The following BAZ1B variants were observed in gnomAD, a reference collection of about 807,000 sequenced individuals.
The protein encoded by BAZ1B is tyrosine-protein kinase BAZ1B.
A neutral mutation model predicts 153.8 loss-of-function variants in BAZ1B; 22 were observed. The ratio of observed to expected loss-of-function variants is 0.14; its 90% confidence interval spans 0.10 to 0.20. The LOEUF is 0.20. Among genes scored for constraint, BAZ1B ranks in the 10% least tolerant of loss-of-function variants. BAZ1B has a pLI of 1.00. For synonymous variants in BAZ1B, 676 were observed against 633.4 expected (o/e 1.07, Z -1.01); for missense variants, 1,325 against 1,799.3 (o/e 0.74, Z 4.77).
chr7:73,518,080 T>C lies in BAZ1B; in HGVS notation c.107+3747A>G, dbSNP rs989619406. Among the ~76,000 whole-genome samples the C allele has an allele frequency of 2.0e-5, 3 of 152,144 alleles. No homozygotes were observed. In the South Asian group the frequency reaches 6.2e-4, roughly 32 times the overall value. On this transcript the variant is annotated intron_variant, in intron 1 of 19. Coordinates refer to ENST00000339594, the MANE Select transcript of BAZ1B (RefSeq NM_032408.4). Reference sequence around the variant, plus strand: ...GTCTTTAAGTTAAAAACAAGTCTAATATGGCATAACGTATTACTTTAAAGA... The same window carrying C: ...GTCTTTAAGTTAAAAACAAGTCTAACATGGCATAACGTATTACTTTAAAGA...
intron 18 of BAZ1B, 38 bp from the exon 19 acceptor site, chr7:73,442,591 T>G (rs1787665404): frequency 6.3e-7 from 1 of 1,579,468 alleles, no homozygotes; most frequent in Non-Finnish European, 8.6e-7. Context: ...TGCACAGCCT[T>G]GACGGCAGTG....
At chr7:73,509,048 G>A (rs184864938) in intron 2 of BAZ1B, among the ~76,000 whole-genome samples, 2,021 of 150,996 alleles carry the variant, frequency 0.013, 19 homozygotes, top group Non-Finnish European at 0.023. Flanking sequence ...TTGGCTGGGC[G>A]TGGTGGCTCA....
Position 73,477,199 on chromosome 7 carries a change from G to T in BAZ1B, c.2262C>A (p.His754Gln). 6.2e-7 allele frequency: 1 copy of T among 1,614,200 alleles called. No individual in the cohort carries two copies. Among genetic ancestry groups the T allele is most frequent in the Non-Finnish European group, 8.5e-7 (1 of 1,180,040 alleles). Residue 754 changes from histidine to glutamine, a missense_variant, in exon 7 of 20, where the codon CAC becomes CAA. His to Gln is a conservative substitution (Grantham distance 24). Coordinates refer to ENST00000339594, the MANE Select transcript of BAZ1B (RefSeq NM_032408.4). The surrounding 1 kb of genome is among the most constrained non-coding windows in gnomAD (Gnocchi z 5.6). ...GCACTGAGTATGTCATGAGGATCCG[G>T]TGGCACAGTGCTGTCAAGATCTGTA... ...EKLQILTALC[H>Q]RILMTYSVQD...
intron 4 of BAZ1B, among the ~76,000 whole-genome samples, chr7:73,497,081 A>AAAAAAAAAAAAAC (rs1242807439): frequency 6.6e-6 from 1 of 150,436 alleles, no homozygotes; most frequent in African/African-American, 2.5e-5. Context: ...AAAAAAAAAA[A>AAAAAAAAAAAAAC]AACCTACAAA....
chr7:73,471,125 G>A (rs1309595645), intron 7 of BAZ1B, among the ~76,000 whole-genome samples: 1 of 152,158 alleles, frequency 6.6e-6, no homozygotes, highest in Non-Finnish European at 1.5e-5. Flanking sequence ...TCTGACAGGT[G>A]CACCTACAGG....
chr7:73,486,282 C>T (rs191858065), intron 6 of BAZ1B, among the ~76,000 whole-genome samples: 8 of 152,286 alleles, frequency 5.3e-5, no homozygotes, highest in Non-Finnish European at 8.8e-5. Context: ...TAATTTTCCT[C>T]TCTCCCACGT....
intron 13 of BAZ1B, among the ~76,000 whole-genome samples, chr7:73,458,257 C>T (rs1317718883): frequency 6.6e-6 from 1 of 152,072 alleles, no homozygotes; most frequent in Non-Finnish European, 1.5e-5. Flanking sequence ...TAGAGAGTTG[C>T]TTAGTGTGGT....
At position 73,469,525 on chromosome 7, in the gene BAZ1B, C is replaced by G. The variant is rs1554571690; in HGVS notation, c.2858G>C (p.Cys953Ser). ...TATACAGATATACTCACTGCGAGGA[C>G]AGTAATCCTCATCACCAGAGACTGT... is the stretch of plus-strand genomic sequence containing the variant. ...DHTVSGDEDY[C>S]PRSKKANLGK... Residue 953 changes from cysteine to serine, a missense_variant, in exon 9 of 20, where the codon TGT becomes TCT. Physicochemically the swap from Cys to Ser is moderately radical, Grantham distance 112 (BLOSUM62 -1). Coordinates refer to ENST00000339594, the MANE Select transcript of BAZ1B (RefSeq NM_032408.4). 1 of 1,614,182 alleles carries G rather than the reference C, an allele frequency of 6.2e-7. No individual in the cohort carries two copies. The highest frequency in any genetic ancestry group is 1.1e-5 in the South Asian group (1 of 91,082).
chr7:73,477,708 A>T lies in BAZ1B; in HGVS notation c.1753T>A (p.Leu585Ile). The T allele has an allele frequency of 1.2e-6, 2 of 1,613,836 alleles. No individual in the cohort carries two copies. Among genetic ancestry groups the T allele is most frequent in the Non-Finnish European group, 1.7e-6 (2 of 1,179,964 alleles). Residue 585 changes from leucine (L) to isoleucine (I), a missense_variant, in exon 7 of 20, where the codon TTA becomes ATA. Transcript: ENST00000339594. This position sits in a 1 kb window ranked among gnomAD's most constrained non-coding sequence, Gnocchi z 5.6. Reference protein sequence around the residue: ...EKQKRYEDQELTGKNLPAFRL... With the variant: ...EKQKRYEDQEITGKNLPAFRL... Reference sequence around the variant, plus strand: ...AATGCTGGAAGGTTTTTGCCAGTTAACTCTTGGTCCTCATACCGCTTCTGT... The same window carrying T: ...AATGCTGGAAGGTTTTTGCCAGTTATCTCTTGGTCCTCATACCGCTTCTGT...
chr7:73,442,620 G>A (rs1163459572), intron 18 of BAZ1B, 67 bp from the exon 19 acceptor site: 35 of 1,553,850 alleles, frequency 2.3e-5, no homozygotes, highest in South Asian at 6.0e-5. Flanking sequence ...ACTGAGACAC[G>A]TCCTGAAAAG....
intron 13 of BAZ1B, among the ~76,000 whole-genome samples, chr7:73,457,661 T>C (rs1788254502): frequency 6.6e-6 from 1 of 152,150 alleles, no homozygotes; most frequent in South Asian, 2.1e-4. Context: ...GAGGAGCCCC[T>C]TTGGATCACA....
rs1788012315 is a variant in BAZ1B at position 73,451,058 on chromosome 7, G to A, written c.3433-64C>T. ...ACCAAAGACACTGAGAGAGAACTAG[G>A]AACAGGGGACAGTATGAGAGAATTC... On this transcript the variant is annotated intron_variant, in intron 13 of 19. Coordinates refer to ENST00000339594, the MANE Select transcript of BAZ1B (RefSeq NM_032408.4). 1.5e-5 allele frequency: 24 copies of A among 1,576,376 alleles called. No homozygotes were observed. In the East Asian group the frequency reaches 5.4e-4, roughly 36 times the overall value.
In BAZ1B at chr7:73,469,564, T is replaced by C; in HGVS notation, c.2819A>G (p.His940Arg). ...HDSIDYRFNH[H>R]CKDHTVSGDE... ...ACCAGAGACTGTGTGGTCTTTGCAGTGATGGTTGAATCGGTAGTCAATGCT... is the reference window on the plus strand; with the variant it reads ...ACCAGAGACTGTGTGGTCTTTGCAGCGATGGTTGAATCGGTAGTCAATGCT... Residue 940 changes from histidine (H) to arginine (R), a missense_variant, in exon 9 of 20, where the codon CAC (histidine) becomes CGC (arginine). Physicochemically the swap from His to Arg is conservative, Grantham distance 29. Transcript: ENST00000339594. 6.2e-7 allele frequency: 1 copy of C among 1,614,226 alleles called. No individual in the cohort carries two copies. The highest frequency in any genetic ancestry group is 1.1e-5 in the South Asian group (1 of 91,088).
chr7:73,463,986 G>A (rs1788485643), intron 11 of BAZ1B: 10 of 394,570 alleles, frequency 2.5e-5, no homozygotes, highest in Non-Finnish European at 3.4e-5. Context: ...GATTACAGGC[G>A]TGAGCCACCG....
intron 9 of BAZ1B, among the ~76,000 whole-genome samples, chr7:73,467,229 G>T (rs1267591779): frequency 2.6e-5 from 4 of 151,990 alleles, no homozygotes; most frequent in African/African-American, 7.2e-5. Context: ...ACCACGCCCG[G>T]CCAGTCACCA....
intron 9 of BAZ1B, among the ~76,000 whole-genome samples, chr7:73,466,788 T>C (rs571733157): frequency 1.4e-4 from 22 of 152,248 alleles, no homozygotes; most frequent in Non-Finnish European, 3.1e-4. Context: ...AGACTTATCC[T>C]TGGAGGCTTC....
chr7:73,511,744 G>A (rs923233860), intron 1 of BAZ1B, among the ~76,000 whole-genome samples: 2 of 151,606 alleles, frequency 1.3e-5, no homozygotes, highest in African/African-American at 4.8e-5. Context: ...ACCACTGCCA[G>A]GCGTGGTGGC....
intron 12 of BAZ1B, among the ~76,000 whole-genome samples, chr7:73,462,088 T>C (rs113529386): frequency 9.2e-5 from 14 of 152,240 alleles, no homozygotes; most frequent in African/African-American, 3.4e-4. Context: ...ATTCTAAAAA[T>C]CAGCCAGGCA....
rs1476494420 is a variant in BAZ1B, at chr7:73,450,337, T to G, written c.3580+510A>C. On this transcript the variant is annotated intron_variant, in intron 14 of 19. Transcript: ENST00000339594. This position sits in a 1 kb window ranked among gnomAD's most constrained non-coding sequence, Gnocchi z 4.1. Reference sequence around the variant, plus strand: ...GAGCGATTGAACGCTTTACAGCAACTGAATGATTTTACGTAGATCTTTTCA... The same window carrying G: ...GAGCGATTGAACGCTTTACAGCAACGGAATGATTTTACGTAGATCTTTTCA... Among the ~76,000 whole-genome samples the G allele has an allele frequency of 1.3e-5, 2 of 152,236 alleles. No homozygotes were observed. The highest frequency in any genetic ancestry group is 4.8e-5 in the African/African-American group (2 of 41,470).
Sources: allele counts gnomAD v4.1 joint callset (sites outside exome capture counted in the v4.1 genomes callset), GRCh38; gene constraint gnomAD v4.1.1; non-coding constraint Gnocchi (gnomAD v3.1); transcripts MANE v1.5; gene names NCBI Gene and HGNC (gene_info 2026-07-23, HGNC 2026-07-21).